Variants in NRXN3 observed in about 807,000 individuals in gnomAD.
NRXN3 encodes neurexin 3.
A neutral mutation model predicts 137.6 loss-of-function variants in NRXN3; 32 were observed. The observed-to-expected ratio is 0.23, with a 90% CI of 0.18 to 0.31. NRXN3 has a LOEUF of 0.31. Ranked by LOEUF, NRXN3 falls within the 10% of genes least tolerant of loss-of-function variation. The pLI is 1.00. For missense variants in NRXN3, 1,574 were observed against 2,062.5 expected (o/e 0.76, Z 4.59); for synonymous variants, 798 against 784.5 (o/e 1.02, Z -0.29).
chr14:79,772,956 A>G (rs2099083804), intron 19 of NRXN3, among the ~76,000 whole-genome samples: 1 of 152,196 alleles, frequency 6.6e-6, no homozygotes, highest in South Asian at 2.1e-4. Context: ...CCCCATCAAA[A>G]AGTGGGCAAA....
At chr14:79,484,867 T>C (rs757366308) in intron 16 of NRXN3, among the ~76,000 whole-genome samples, 8 of 152,310 alleles carry the variant, frequency 5.3e-5, no homozygotes, top group Middle Eastern at 3.4e-3. Flanking sequence ...TTCGTACATA[T>C]AATTTGCTAT....
intron 3 of NRXN3, among the ~76,000 whole-genome samples, chr14:78,286,809 G>A (rs1270741104): frequency 6.6e-6 from 1 of 152,336 alleles, no homozygotes; most frequent in South Asian, 2.1e-4. Context: ...TGTGCTAAGT[G>A]TATTCCATGT....
chr14:79,233,064 G>A (rs1024126667), intron 15 of NRXN3, among the ~76,000 whole-genome samples: 1 of 152,008 alleles, frequency 6.6e-6, no homozygotes, highest in East Asian at 1.9e-4. Context: ...TTCCCAAAAT[G>A]AGCTCATTAA....
intron 15 of NRXN3, among the ~76,000 whole-genome samples, chr14:79,019,523 G>A (rs2099585172): frequency 6.6e-6 from 1 of 152,144 alleles, no homozygotes; most frequent in Non-Finnish European, 1.5e-5. Context: ...AATTGAGGAA[G>A]ACTTCTGGGA....
chr14:78,717,270 G>A (rs1049140326), intron 8 of NRXN3, among the ~76,000 whole-genome samples: 1 of 152,100 alleles, frequency 6.6e-6, no homozygotes, highest in Non-Finnish European at 1.5e-5. Context: ...TCCAAAACTT[G>A]CCAAGAACAG....
At chr14:79,093,740 A>C (rs1006145658) in intron 15 of NRXN3, among the ~76,000 whole-genome samples, 3 of 152,040 alleles carry the variant, frequency 2.0e-5, no homozygotes, top group Admixed American at 6.6e-5. Flanking sequence ...GGGGATATAC[A>C]TGTGTGCATT....
intron 16 of NRXN3, among the ~76,000 whole-genome samples, chr14:79,580,582 A>G (rs2097706126): frequency 6.6e-6 from 1 of 152,124 alleles, no homozygotes; most frequent in Non-Finnish European, 1.5e-5. Context: ...TGCTATTTAC[A>G]GTCCTAATTA....
At chr14:78,550,916 G>A (rs959030974) in intron 4 of NRXN3, among the ~76,000 whole-genome samples, 3 of 152,168 alleles carry the variant, frequency 2.0e-5, no homozygotes, top group African/African-American at 7.2e-5. Flanking sequence ...TGCAATGGTG[G>A]AGCATGAGTA....
chr14:79,560,504 C>CTTTTTTGTTTTTTT (rs2097482437), intron 16 of NRXN3, among the ~76,000 whole-genome samples: 1 of 43,770 alleles, frequency 2.3e-5, no homozygotes, highest in African/African-American at 8.1e-5. Context: ...AGATTGTAAG[C>CTTTTTTGTTTTTTT]TTTTTTTTTT....
chr14:79,374,860 T>G (rs1311365136), intron 15 of NRXN3, among the ~76,000 whole-genome samples: 2 of 152,184 alleles, frequency 1.3e-5, no homozygotes, highest in Non-Finnish European at 2.9e-5. Context: ...GCAAGACTTC[T>G]TGGGTTTGCG....
In NRXN3 at chr14:79,679,940, G is replaced by A. The variant is rs186796895; in HGVS notation, c.3617-12233G>A. Among the ~76,000 whole-genome samples the A allele has an allele frequency of 3.3e-5, 5 of 152,236 alleles. No homozygotes were observed. The East Asian group carries it at 9.7e-4, about 29-fold the overall frequency. ...ACTGTCACTTGAGTTGTAAATCACA[G>A]CATTTAGCAGTGCTAGTTGTCCTTA... On this transcript the variant is annotated intron_variant, in intron 17 of 20. Transcript: ENST00000335750.
At chr14:79,559,229 G>C (rs1245823607) in intron 16 of NRXN3, among the ~76,000 whole-genome samples, 1 of 151,994 alleles carries the variant, frequency 6.6e-6, no homozygotes, top group Non-Finnish European at 1.5e-5. Flanking sequence ...CCACTACTTG[G>C]CTCAGTGCTT....
chr14:79,541,318 G>C (rs556082271), intron 16 of NRXN3, among the ~76,000 whole-genome samples: 122 of 152,086 alleles, frequency 8.0e-4, no homozygotes, highest in African/African-American at 2.8e-3. Flanking sequence ...CAAAAGAATC[G>C]CTTGAAACCC....
At chr14:78,176,233 T>C (rs1260672082) in intron 1 of NRXN3, among the ~76,000 whole-genome samples, 1 of 152,186 alleles carries the variant, frequency 6.6e-6, no homozygotes, top group East Asian at 1.9e-4. Flanking sequence ...GGCTTCTCTA[T>C]CCCTGGCTCA....
intron 15 of NRXN3, among the ~76,000 whole-genome samples, chr14:79,437,252 G>A (rs533011385): frequency 6.6e-6 from 1 of 152,062 alleles, no homozygotes; most frequent in Admixed American, 6.5e-5. Flanking sequence ...ATAGTTCCCA[G>A]TGTCTGGAAT....
At chr14:79,138,231 C>T (rs2058442468) in intron 15 of NRXN3, among the ~76,000 whole-genome samples, 1 of 152,120 alleles carries the variant, frequency 6.6e-6, no homozygotes, top group Admixed American at 6.5e-5. Flanking sequence ...TAATAGCTCA[C>T]TGCAGCCTTG....
intron 4 of NRXN3, among the ~76,000 whole-genome samples, chr14:78,500,746 TA>T (rs2095863574): frequency 6.6e-6 from 1 of 152,162 alleles, no homozygotes; most frequent in African/African-American, 2.4e-5. Flanking sequence ...TTTTCATTCC[TA>T]TGTTTCTACT....
intron 15 of NRXN3, among the ~76,000 whole-genome samples, chr14:79,030,771 T>C (rs75214771): frequency 0.011 from 1,722 of 151,822 alleles, 35 homozygotes; most frequent in African/African-American, 0.04. Context: ...TCTCTGCTAT[T>C]ATCAATATCT....
At chr14:78,377,387 G>A (rs1474057055) in intron 4 of NRXN3, among the ~76,000 whole-genome samples, 1 of 152,168 alleles carries the variant, frequency 6.6e-6, no homozygotes, top group Non-Finnish European at 1.5e-5. Context: ...ACAAAATACA[G>A]AGTTGCAAAA....
Sources: allele counts gnomAD v4.1 joint callset (sites outside exome capture counted in the v4.1 genomes callset), GRCh38; gene constraint gnomAD v4.1.1; transcripts MANE v1.5; gene names NCBI Gene and HGNC (gene_info 2026-07-23, HGNC 2026-07-21).